The following EGFL6 variants were observed in gnomAD, a reference collection of about 807,000 sequenced individuals.
EGFL6 encodes the protein EGF like domain multiple 6, also known as epidermal growth factor-like protein 6.
EGFL6 carries 42 observed loss-of-function variants against 43.1 expected under a neutral mutation model. The observed-to-expected ratio is 0.98, with a 90% CI of 0.76 to 1.26. EGFL6 has a LOEUF of 1.26. Ranked by LOEUF, EGFL6 falls within the 50% of genes most tolerant of loss-of-function variation. The pLI is 0.00. For missense variants in EGFL6, 429 were observed against 427.8 expected (o/e 1.00, Z -0.02); for synonymous variants, 164 against 163.2 (o/e 1.01, Z -0.04).
chrX:13,619,145 C>T lies in EGFL6; in HGVS notation c.1103-18C>T. 8.3e-7 allele frequency: 1 copy of T among 1,201,361 alleles called. No homozygotes were observed. On this transcript the variant is annotated intron_variant, in intron 8 of 11. Transcript: ENST00000361306. ...GCTTTAAGGTTTTTTTCTTAACTGA[C>T]CAAGTGTTCTTTATTAGTCCCTAAG...
intron 2 of EGFL6, 25 bp from the exon 3 acceptor site, chrX:13,594,811 A>T (rs751860393): frequency 8.4e-7 from 1 of 1,195,965 alleles, no homozygotes; most frequent in East Asian, 3.0e-5. Context: ...TTCTTTTATC[A>T]TCAAGACATC....
intron 1 of EGFL6, among the ~76,000 whole-genome samples, chrX:13,584,852 T>C (rs28722491): frequency 0.033 from 3,654 of 111,508 alleles, 134 homozygotes; most frequent in African/African-American, 0.11. Flanking sequence ...ATCACTCTAA[T>C]CCATTACCAA....
intron 1 of EGFL6, among the ~76,000 whole-genome samples, 172 bp from the exon 2 acceptor site, chrX:13,589,384 G>C (rs1414659083): frequency 8.9e-6 from 1 of 112,028 alleles, no homozygotes; most frequent in Non-Finnish European, 1.9e-5. Flanking sequence ...ACTAATTATT[G>C]AGGAAGGCTG....
rs148341382 is a variant in EGFL6, at chrX:13,620,918, C to G, written c.1183+1675C>G. ...AAAATTTTGCACATGACCATATGAC[C>G]CTGTAATTTCAACAGTCCTTGAGTA... On this transcript the variant is annotated intron_variant, in intron 9 of 11. Transcript: ENST00000361306. Among the ~76,000 whole-genome samples, 699 of 111,645 alleles carry G rather than the reference C, an allele frequency of 6.3e-3. 5 individuals are homozygous for G. Among genetic ancestry groups the G allele is most frequent in the African/African-American group, 0.021 (652 of 30,727 alleles).
chrX:13,606,653 AT>A, intron 6 of EGFL6, 140 bp downstream of exon 6: 1 of 629,098 alleles, frequency 1.6e-6, no homozygotes, highest in Non-Finnish European at 2.3e-6. Context: ...AGGAAAGGTT[AT>A]TTTTTTAGGT....
At chrX:13,622,362 G>A (rs1034024992) in intron 9 of EGFL6, among the ~76,000 whole-genome samples, 1 of 111,949 alleles carries the variant, frequency 8.9e-6, no homozygotes, top group African/African-American at 3.3e-5. Flanking sequence ...TCCTGAAAAT[G>A]AGTCTGATGC....
intron 9 of EGFL6, among the ~76,000 whole-genome samples, chrX:13,621,203 T>C (rs980632046): frequency 1.8e-5 from 2 of 112,406 alleles, no homozygotes; most frequent in Non-Finnish European, 3.8e-5. Flanking sequence ...GGGGTGTGCA[T>C]AAGTGAGATG....
chrX:13,605,978 C>T (rs2045658061), intron 5 of EGFL6, among the ~76,000 whole-genome samples: 1 of 111,835 alleles, frequency 8.9e-6, no homozygotes, highest in African/African-American at 3.3e-5. Flanking sequence ...GTATAGCTAT[C>T]TGACTCTAGT....
chrX:13,604,505 G>GTT (rs1172381362), intron 5 of EGFL6, among the ~76,000 whole-genome samples: 4 of 111,441 alleles, frequency 3.6e-5, no homozygotes, highest in Non-Finnish European at 7.5e-5. Context: ...AAAGCACAAT[G>GTT]TTGTAGGTGC....
rs900721490 is a variant in EGFL6, at chrX:13,590,830, T to C, written c.187+1162T>C. 2.7e-5 allele frequency among the ~76,000 whole-genome samples: 3 copies of C among 112,004 alleles called. No individual in the cohort carries two copies. The Admixed American group carries it at 2.8e-4, about 11-fold the overall frequency. ...AAAAACAAAGATCATCATTGCCCAC[T>C]TAGATAAAGGAAGTTAGAATATCCT... On this transcript the variant is annotated intron_variant, in intron 2 of 11. Transcript: ENST00000361306.
In EGFL6 at chrX:13,589,548, A is replaced by T. The variant is rs1271550017; in HGVS notation, c.75-8A>T. The T allele has an allele frequency of 8.4e-7, 1 of 1,196,653 alleles. No homozygotes were observed. The highest frequency in any genetic ancestry group is 3.0e-5 in the East Asian group (1 of 33,542). On this transcript the variant is annotated splice_polypyrimidine_tract_variant and splice_region_variant and intron_variant, in intron 1 of 11. Transcript: ENST00000361306. ...TCTCAATACTAACATGTAGTTCTTT[A>T]TCTGCAGTGCAAGGCATCACGGGTT... is the stretch of plus-strand genomic sequence containing the variant.
At chrX:13,599,547 T>C (rs902844009) in intron 3 of EGFL6, among the ~76,000 whole-genome samples, 2 of 110,576 alleles carry the variant, frequency 1.8e-5, no homozygotes, top group African/African-American at 6.6e-5. Context: ...CATTGCTATA[T>C]AGTATTCCAT....
intron 9 of EGFL6, among the ~76,000 whole-genome samples, chrX:13,623,377 G>GTTTTTTTTTTTTTTGTTTT (rs2045759569): frequency 2.5e-5 from 1 of 40,371 alleles, no homozygotes; most frequent in Non-Finnish European, 4.2e-5. Context: ...TTTATTTTGG[G>GTTTTTTTTTTTTTTGTTTT]TTTTTTTTTT....
chrX:13,593,458 C>T (rs4830510), intron 2 of EGFL6, among the ~76,000 whole-genome samples: 5 of 110,099 alleles, frequency 4.5e-5, no homozygotes, highest in Admixed American at 2.9e-4. Flanking sequence ...GCATGGGAAG[C>T]GGCTAGGCAG....
At chrX:13,621,856 C>A (rs780735640) in intron 9 of EGFL6, among the ~76,000 whole-genome samples, 2 of 112,582 alleles carry the variant, frequency 1.8e-5, no homozygotes, top group East Asian at 5.6e-4. Context: ...ACTTTCCAAA[C>A]CATGAAGTGC....
At chrX:13,586,402 C>T (rs1199912653) in intron 1 of EGFL6, among the ~76,000 whole-genome samples, 1 of 111,645 alleles carries the variant, frequency 9.0e-6, no homozygotes, top group Non-Finnish European at 1.9e-5. Context: ...TAACAAATTA[C>T]CATAGGTTGG....
intron 7 of EGFL6, among the ~76,000 whole-genome samples, chrX:13,611,550 G>A (rs1044497836): frequency 1.4e-3 from 154 of 112,027 alleles, no homozygotes; most frequent in African/African-American, 4.7e-3. Flanking sequence ...CCCTTAAACC[G>A]CAATGTATTA....
intron 11 of EGFL6, among the ~76,000 whole-genome samples, chrX:13,631,458 AT>A (rs769798949): frequency 0.011 from 1,136 of 107,175 alleles, 16 homozygotes; most frequent in African/African-American, 0.034. Context: ...AACATGAACT[AT>A]TTTTTTTTTT....
At position 13,632,916 on chromosome X, in the gene EGFL6, TA is replaced by T. The variant is rs2045821217; in HGVS notation, c.1552-66del. On this transcript the variant is annotated intron_variant, in intron 11 of 11. Coordinates refer to ENST00000361306, the MANE Select transcript of EGFL6 (RefSeq NM_015507.4). ...AATAGGGACACGAGTTAATAGCTAT[TA>T]AATAGCTTGATTATATCATTGTTTT... The T allele has an allele frequency of 3.2e-5, 33 of 1,018,787 alleles. No homozygotes were observed. The East Asian group carries it at 9.9e-4, about 31-fold the overall frequency. 84.0% of individuals were successfully genotyped at this position (1,018,787 alleles called of 1,213,427 possible). A position where few individuals can be genotyped will look rare whatever the true frequency, so the allele number is the denominator to read the frequency against.
Sources: gnomAD v4.1 joint callset for allele counts (sites outside exome capture counted in the v4.1 genomes callset) on GRCh38, gnomAD v4.1.1 for gene constraint, MANE v1.5 for transcripts, NCBI Gene and HGNC (gene_info 2026-07-23, HGNC 2026-07-21) for gene names.